The following ANKRD45 variants were observed in gnomAD, a reference collection of about 807,000 sequenced individuals.
The protein encoded by ANKRD45 is ankyrin repeat domain-containing protein 45.
In ANKRD45, 21 loss-of-function variants were observed where a neutral mutation model predicts 28.1. That is an observed-to-expected ratio of 0.75 (90% CI 0.53 to 1.08). The LOEUF is 1.08. Among genes scored for constraint, ANKRD45 ranks in the 50% least tolerant of loss-of-function variants. The pLI is 0.00. For missense variants in ANKRD45, 261 were observed against 308.7 expected, an observed-to-expected ratio of 0.85 and a Z score of 1.16; for synonymous variants, 86 against 103.9, an observed-to-expected ratio of 0.83 and a Z score of 1.05.
At position 173,628,565 on chromosome 1, in the gene ANKRD45, A is replaced by G. The variant is rs545710878; in HGVS notation, c.497-1406T>C. On this transcript the variant is annotated intron_variant, in intron 3 of 5. Coordinates refer to ENST00000333279, the MANE Select transcript of ANKRD45 (RefSeq NM_198493.3). ...ACTCTGTTAGAAGAAAGGGGAGAGGAAAAGTGGGAAGGACTTTGTCTTATG... is the reference window on the plus strand; with the variant it reads ...ACTCTGTTAGAAGAAAGGGGAGAGGGAAAGTGGGAAGGACTTTGTCTTATG... Among the ~76,000 whole-genome samples the G allele has an allele frequency of 2.0e-5, 3 of 152,142 alleles. No homozygotes were observed. The South Asian group carries it at 6.2e-4, about 32-fold the overall frequency.
chr1:173,651,290 C>A (rs1014965854), intron 2 of ANKRD45, among the ~76,000 whole-genome samples: 1 of 152,156 alleles, frequency 6.6e-6, no homozygotes, highest in Admixed American at 6.6e-5. Context: ...GGAAGGGATG[C>A]AGTTTCAGGT....
At chr1:173,611,617 AC>A (rs1667160124) in intron 5 of ANKRD45, among the ~76,000 whole-genome samples, 4 of 104,572 alleles carry the variant, frequency 3.8e-5, no homozygotes, top group Admixed American at 1.9e-4. Context: ...ACACACACAC[AC>A]ACAATAAAAA....
chr1:173,687,310 AT>A, the ANKRD45 span, among the ~76,000 whole-genome samples: 1 of 151,906 alleles, frequency 6.6e-6, no homozygotes, highest in South Asian at 2.1e-4. Flanking sequence ...CCCTTTTATA[AT>A]TTTTTTTCCT....
chr1:173,610,016 A>G lies in ANKRD45; in HGVS notation c.*129T>C. 1.0e-6 allele frequency: 1 copy of G among 964,704 alleles called. No homozygotes were observed. Among genetic ancestry groups the G allele is most frequent in the Non-Finnish European group, 1.6e-6 (1 of 627,968 alleles). 59.8% of individuals were successfully genotyped at this position (964,704 alleles called of 1,614,324 possible). A position where few individuals can be genotyped will look rare whatever the true frequency, so the allele number is the denominator to read the frequency against. ...AAGCATGCTGAACAGGTCAAACAAA[A>G]CAAGGGCGATGTAATGTTGTACTTA... is the stretch of plus-strand genomic sequence containing the variant. On this transcript the variant is annotated 3_prime_UTR_variant, in exon 6 of 6. Transcript: ENST00000333279.
At chr1:173,653,746 G>A (rs1051058935) in intron 2 of ANKRD45, among the ~76,000 whole-genome samples, 1 of 151,966 alleles carries the variant, frequency 6.6e-6, no homozygotes, top group Non-Finnish European at 1.5e-5. Context: ...TCTCTTTGTA[G>A]GTCTCTAAGG....
chr1:173,708,064 T>C, the ANKRD45 span, among the ~76,000 whole-genome samples: 1 of 152,252 alleles, frequency 6.6e-6, no homozygotes, highest in Non-Finnish European at 1.5e-5. Flanking sequence ...GTTTTAATAA[T>C]ATCTCTTAGG....
At chr1:173,613,082 C>T (rs1460280151) in intron 5 of ANKRD45, among the ~76,000 whole-genome samples, 3 of 151,552 alleles carry the variant, frequency 2.0e-5, no homozygotes, top group Admixed American at 6.6e-5. Context: ...CCCCTCTGCT[C>T]GGCTGCCCAG....
intron 2 of ANKRD45, among the ~76,000 whole-genome samples, chr1:173,656,135 G>A (rs1355206833): frequency 1.3e-5 from 2 of 152,202 alleles, no homozygotes; most frequent in Non-Finnish European, 2.9e-5. Context: ...GTCCCAATGA[G>A]ATGAACCAGG....
At chr1:173,642,548 C>G (rs1668747398) in intron 3 of ANKRD45, among the ~76,000 whole-genome samples, 1 of 152,194 alleles carries the variant, frequency 6.6e-6, no homozygotes, top group Non-Finnish European at 1.5e-5. Context: ...AAAATTTACT[C>G]AAAGACCTGT....
the ANKRD45 span, among the ~76,000 whole-genome samples, chr1:173,702,717 CTTTTTTTT>C: frequency 8.4e-6 from 1 of 119,080 alleles, no homozygotes; most frequent in Admixed American, 8.7e-5. Flanking sequence ...TCTGTGTCCT[CTTTTTTTT>C]TTTTTTTTTT....
chr1:173,714,162 C>T, the ANKRD45 span, among the ~76,000 whole-genome samples: 1,363 of 152,306 alleles, frequency 8.9e-3, 20 homozygotes, highest in African/African-American at 0.03. Context: ...CAGCAACAGT[C>T]TTTCTCTGAT....
chr1:173,683,558 C>T, the ANKRD45 span, among the ~76,000 whole-genome samples: 1 of 152,130 alleles, frequency 6.6e-6, no homozygotes, highest in East Asian at 1.9e-4. Flanking sequence ...TTGTCCTATC[C>T]ATTTGAACCA....
intron 1 of ANKRD45, among the ~76,000 whole-genome samples, chr1:173,667,476 G>A (rs1571788565): frequency 6.6e-6 from 1 of 152,036 alleles, no homozygotes; most frequent in Non-Finnish European, 1.5e-5. Flanking sequence ...GGCTGAGGTG[G>A]GCGGATCACA....
chr1:173,620,133 C>T (rs1253030103), intron 5 of ANKRD45, among the ~76,000 whole-genome samples: 1 of 152,166 alleles, frequency 6.6e-6, no homozygotes, highest in Non-Finnish European at 1.5e-5. Context: ...ACTCTTCACC[C>T]AAAAACAACA....
At chr1:173,655,184 T>A (rs1319480235) in intron 2 of ANKRD45, among the ~76,000 whole-genome samples, 1 of 148,514 alleles carries the variant, frequency 6.7e-6, no homozygotes, top group African/African-American at 2.6e-5. Flanking sequence ...TGCTCTTGTT[T>A]TTAGAATTTT....
the ANKRD45 span, among the ~76,000 whole-genome samples, chr1:173,695,562 C>T: frequency 1.3e-5 from 2 of 152,102 alleles, no homozygotes; most frequent in Non-Finnish European, 1.5e-5. Flanking sequence ...CATAGTATTC[C>T]GTGGTGTATA....
chr1:173,644,696 T>C (rs1006106180), intron 3 of ANKRD45, among the ~76,000 whole-genome samples: 2 of 152,134 alleles, frequency 1.3e-5, no homozygotes, highest in South Asian at 4.1e-4. Context: ...AAAATGGATT[T>C]TAAATTATGG....
chr1:173,653,059 A>G (rs1290533829), intron 2 of ANKRD45, among the ~76,000 whole-genome samples: 1 of 152,020 alleles, frequency 6.6e-6, no homozygotes, highest in East Asian at 1.9e-4. Flanking sequence ...TCCTGTATTC[A>G]TTGATTTTTT....
the ANKRD45 span, among the ~76,000 whole-genome samples, chr1:173,690,954 G>A: frequency 6.6e-6 from 1 of 152,272 alleles, no homozygotes; most frequent in South Asian, 2.1e-4. Flanking sequence ...CTTTTGGGGT[G>A]AGGCTCAATT....
Sources: allele counts gnomAD v4.1 joint callset (sites outside exome capture counted in the v4.1 genomes callset), GRCh38; gene constraint gnomAD v4.1.1; transcripts MANE v1.5; gene names NCBI Gene and HGNC (gene_info 2026-07-23, HGNC 2026-07-21).